The following NEGR1 variants were observed in gnomAD, a reference collection of about 807,000 sequenced individuals.
NEGR1 encodes neuronal growth regulator 1, also known as IgLON family member 4.
In NEGR1, 10 loss-of-function variants were observed where a neutral mutation model predicts 40.9. The ratio of observed to expected loss-of-function variants is 0.24; its 90% CI spans 0.15 to 0.42. The LOEUF is 0.42. NEGR1 is among the 10% of genes least tolerant of loss of function. The pLI, the probability that NEGR1 is intolerant of heterozygous loss-of-function variation, is 1.00. For synonymous variants in NEGR1, 185 were observed against 166.8 expected, an observed-to-expected ratio of 1.11 and a Z score of -0.84; for missense variants, 352 against 438.9, an observed-to-expected ratio of 0.80 and a Z score of 1.77.
intron 1 of NEGR1, among the ~76,000 whole-genome samples, chr1:72,075,751 C>T (rs1466779946): frequency 6.6e-6 from 1 of 152,102 alleles, no homozygotes; most frequent in East Asian, 1.9e-4. Context: ...TGGAAATGTG[C>T]CTGGGTATGT....
At chr1:71,473,966 C>A (rs546028324) in intron 6 of NEGR1, among the ~76,000 whole-genome samples, 2 of 152,112 alleles carry the variant, frequency 1.3e-5, no homozygotes, top group East Asian at 3.9e-4. Context: ...CCTGAGCCTG[C>A]TGCTTGCCTG....
chr1:72,135,497 G>T (rs1269736639), intron 1 of NEGR1, among the ~76,000 whole-genome samples: 1 of 150,696 alleles, frequency 6.6e-6, no homozygotes, highest in Non-Finnish European at 1.5e-5. Flanking sequence ...TGATCTCTGG[G>T]AGATGGAAAA....
intron 1 of NEGR1, chr1:72,274,589 A>G (rs1273797176): frequency 6.4e-6 from 5 of 777,950 alleles, no homozygotes; most frequent in Non-Finnish European, 1.2e-5. Context: ...AGATATGGCG[A>G]AAGCCCATAC....
intron 6 of NEGR1, among the ~76,000 whole-genome samples, chr1:71,582,322 C>T (rs1246166337): frequency 6.6e-6 from 1 of 151,898 alleles, no homozygotes; most frequent in Non-Finnish European, 1.5e-5. Flanking sequence ...TTTCTTCATG[C>T]CAATCTTATA....
At chr1:71,717,772 G>A (rs1247061350) in intron 3 of NEGR1, among the ~76,000 whole-genome samples, 1 of 152,142 alleles carries the variant, frequency 6.6e-6, no homozygotes, top group Non-Finnish European at 1.5e-5. Flanking sequence ...AGGTAATTAA[G>A]TTAAAATGAG....
intron 2 of NEGR1, among the ~76,000 whole-genome samples, chr1:71,816,611 T>C (rs1658225042): frequency 6.6e-6 from 1 of 152,014 alleles, no homozygotes; most frequent in Non-Finnish European, 1.5e-5. Flanking sequence ...TACCTCCCTC[T>C]GGGTCCCTCC....
intron 6 of NEGR1, among the ~76,000 whole-genome samples, chr1:71,564,705 C>T (rs1291977151): frequency 6.6e-6 from 1 of 151,978 alleles, no homozygotes; most frequent in Non-Finnish European, 1.5e-5. Context: ...GGATGCCAGT[C>T]GTTTTTATAA....
intron 2 of NEGR1, among the ~76,000 whole-genome samples, chr1:71,847,104 C>T (rs757726890): frequency 6.6e-6 from 1 of 152,150 alleles, no homozygotes; most frequent in Non-Finnish European, 1.5e-5. Context: ...CAGTATAGAC[C>T]ATTTGACTCA....
intron 6 of NEGR1, among the ~76,000 whole-genome samples, chr1:71,539,187 G>A (rs1213235043): frequency 6.6e-6 from 1 of 151,656 alleles, no homozygotes; most frequent in East Asian, 2.0e-4. Context: ...ATGAGACAAT[G>A]CATACAAATC....
intron 6 of NEGR1, among the ~76,000 whole-genome samples, chr1:71,419,662 C>T (rs995362725): frequency 1.3e-5 from 2 of 152,038 alleles, no homozygotes; most frequent in South Asian, 4.1e-4. Flanking sequence ...TTTGTCTCCT[C>T]TTGTATTTCT....
intron 1 of NEGR1, among the ~76,000 whole-genome samples, chr1:72,010,850 T>C (rs1244039231): frequency 2.6e-5 from 4 of 152,112 alleles, no homozygotes; most frequent in Admixed American, 1.3e-4. Context: ...CATAGTTAGA[T>C]ATTTAAAGAT....
At position 72,206,307 on chromosome 1, in the gene NEGR1, C is replaced by A. The variant is rs113173703; in HGVS notation, c.176+76012G>T. ...AATATATTTTTGAAAATGTGGCTTA[C>A]TGTGAGAAGAAAACACAAATAACTT... On this transcript the variant is annotated intron_variant, in intron 1 of 6. Coordinates refer to ENST00000357731, the MANE Select transcript of NEGR1 (RefSeq NM_173808.3). Among the ~76,000 whole-genome samples, 1,003 of 152,002 alleles carry A rather than the reference C, an allele frequency of 6.6e-3. 16 individuals are homozygous for A. Among genetic ancestry groups the A allele is most frequent in the African/African-American group, 0.023 (957 of 41,500 alleles).
chr1:72,236,061 A>T, intron 1 of NEGR1, among the ~76,000 whole-genome samples: 1 of 152,134 alleles, frequency 6.6e-6, no homozygotes, highest in East Asian at 1.9e-4. Context: ...AGACTGGGTA[A>T]AGAAAATGTG....
At chr1:71,411,432 G>A (rs547915297) in intron 6 of NEGR1, among the ~76,000 whole-genome samples, 9 of 152,262 alleles carry the variant, frequency 5.9e-5, no homozygotes, top group African/African-American at 2.2e-4. Flanking sequence ...CTAGAAGCCT[G>A]AATTACTTAG....
chr1:72,272,131 T>C (rs1234994638), intron 1 of NEGR1, among the ~76,000 whole-genome samples: 2 of 151,912 alleles, frequency 1.3e-5, no homozygotes, highest in African/African-American at 4.8e-5. Flanking sequence ...ATTATAGTTC[T>C]AAATAATGAA....
intron 1 of NEGR1, among the ~76,000 whole-genome samples, chr1:72,104,686 C>T (rs981449393): frequency 2.0e-5 from 3 of 152,106 alleles, no homozygotes; most frequent in African/African-American, 7.2e-5. Context: ...TTATCACATC[C>T]ACAATTAATT....
At chr1:72,281,760 A>AG in intron 1 of NEGR1, among the ~76,000 whole-genome samples, 1 of 152,026 alleles carries the variant, frequency 6.6e-6, no homozygotes, top group Non-Finnish European at 1.5e-5. Context: ...GAGATATTGG[A>AG]GGGAAAAAGA....
chr1:71,806,090 C>A (rs1211945898), intron 2 of NEGR1, among the ~76,000 whole-genome samples: 4 of 151,974 alleles, frequency 2.6e-5, no homozygotes, highest in Admixed American at 1.3e-4. Context: ...TACAAAAATA[C>A]AAAATATTAT....
At chr1:71,472,731 G>T (rs1368263432) in intron 6 of NEGR1, 1 of 152,098 alleles carries the variant, frequency 6.6e-6, no homozygotes, top group African/African-American at 2.4e-5. Context: ...TACATGAGAA[G>T]AGAGTATGTT....
Sources: gnomAD v4.1 joint callset for allele counts (sites outside exome capture counted in the v4.1 genomes callset) on GRCh38, gnomAD v4.1.1 for gene constraint, MANE v1.5 for transcripts, NCBI Gene and HGNC (gene_info 2026-07-23, HGNC 2026-07-21) for gene names.